HADHB: variants seen among roughly 807,000 people sequenced by gnomAD.
HADHB encodes trifunctional enzyme subunit beta, mitochondrial.
In HADHB, 50 loss-of-function variants were observed where a neutral mutation model predicts 61.9. The ratio of observed to expected loss-of-function variants is 0.81; its 90% CI spans 0.64 to 1.02. The LOEUF (loss-of-function observed/expected upper bound fraction) is 1.02. HADHB is among the 50% of genes least tolerant of loss of function. The pLI is 0.00. For synonymous variants in HADHB, 191 were observed against 201.6 expected, an observed-to-expected ratio of 0.95 and a Z score of 0.45; for missense variants, 504 against 586.5, an observed-to-expected ratio of 0.86 and a Z score of 1.45.
chr2:26,263,070 C>T (rs546691836), intron 3 of HADHB, among the ~76,000 whole-genome samples: 3 of 152,106 alleles, frequency 2.0e-5, no homozygotes, highest in East Asian at 1.9e-4. Flanking sequence ...GAGGCTGAGG[C>T]GGGCAGATCA....
intron 8 of HADHB, 92 bp downstream of exon 8, chr2:26,278,893 C>A: frequency 1.8e-6 from 2 of 1,138,332 alleles, no homozygotes; most frequent in Non-Finnish European, 2.7e-6. Flanking sequence ...GGTGTAGATT[C>A]TGTAGTTACA....
Position 26,244,966 on chromosome 2 carries a change from G to A in HADHB, c.-33G>A, listed in dbSNP as rs894303617. 1.0e-5 allele frequency: 3 copies of A among 292,434 alleles called. No homozygotes were observed. Among genetic ancestry groups the A allele is most frequent in the Admixed American group, 4.3e-5 (1 of 23,404 alleles). 18.1% of individuals were successfully genotyped at this position (292,434 alleles called of 1,614,324 possible). On this transcript the variant is annotated 5_prime_UTR_variant, in exon 1 of 16. Transcript: ENST00000317799. ...TTGGACCTGAACCTTGCTCCGAGAG[G>A]GAGTCCTCGCGGACGTCAGCCAAGG...
At chr2:26,252,335 A>C (rs1380533203) in intron 1 of HADHB, among the ~76,000 whole-genome samples, 1 of 152,202 alleles carries the variant, frequency 6.6e-6, no homozygotes, top group Non-Finnish European at 1.5e-5. Context: ...TGGCTACCAA[A>C]GTCTTTGTTG....
chr2:26,260,081 G>GGTTTTT (rs965472525), intron 3 of HADHB, among the ~76,000 whole-genome samples: 1 of 133,568 alleles, frequency 7.5e-6, no homozygotes, highest in African/African-American at 2.7e-5. Flanking sequence ...GTTTTTTCTG[G>GGTTTTT]TTTTTTTTTT....
At chr2:26,252,506 C>G (rs1436454870) in intron 1 of HADHB, among the ~76,000 whole-genome samples, 2 of 152,156 alleles carry the variant, frequency 1.3e-5, no homozygotes, top group Non-Finnish European at 2.9e-5. Flanking sequence ...TTTTTAACAT[C>G]TTTATTATAC....
Position 26,278,982 on chromosome 2 carries a change from G to A in HADHB, c.631-153G>A, listed in dbSNP as rs375045372. On this transcript the variant is annotated intron_variant, in intron 8 of 15. Transcript: ENST00000317799. Reference sequence around the variant, plus strand: ...CTTTAATTTGTGAGCCCTCTTTAGAGATCCTCTTTAGAGATCCTCTGCTTG... The same window carrying A: ...CTTTAATTTGTGAGCCCTCTTTAGAAATCCTCTTTAGAGATCCTCTGCTTG... 3.3e-5 allele frequency among the ~76,000 whole-genome samples: 5 copies of A among 152,300 alleles called. No homozygotes were observed. In the East Asian group the frequency reaches 9.7e-4, roughly 30 times the overall value.
chr2:26,264,200 A>G (rs1671974002), intron 4 of HADHB, among the ~76,000 whole-genome samples: 1 of 152,194 alleles, frequency 6.6e-6, no homozygotes, highest in Non-Finnish European at 1.5e-5. Context: ...AATGAGACCT[A>G]TCTTTATATA....
At chr2:26,246,426 T>A (rs1420436441) in intron 1 of HADHB, among the ~76,000 whole-genome samples, 1 of 151,458 alleles carries the variant, frequency 6.6e-6, no homozygotes, top group African/African-American at 2.4e-5. Context: ...CACTGCAGCC[T>A]CCTCCCGGGT....
Position 26,290,007 on chromosome 2 carries a change from G to A in HADHB, c.*54G>A, listed in dbSNP as rs1051330524. ...CTGTGCAACACTCACACTAGGCAAT[G>A]CCATTTCAATGCATTACTAAATGAC... On this transcript the variant is annotated 3_prime_UTR_variant, in exon 16 of 16. Coordinates refer to ENST00000317799, the MANE Select transcript of HADHB (RefSeq NM_000183.3). 5 of 1,194,404 alleles carry A rather than the reference G, an allele frequency of 4.2e-6. No individual in the cohort carries two copies. Among genetic ancestry groups the A allele is most frequent in the Non-Finnish European group, 6.3e-6 (5 of 797,830 alleles). 74.0% of individuals were successfully genotyped at this position (1,194,404 alleles called of 1,614,324 possible).
intron 12 of HADHB, 27 bp downstream of exon 12, chr2:26,283,078 T>C: frequency 6.8e-7 from 1 of 1,463,872 alleles, no homozygotes. Context: ...ATCCTTGGAC[T>C]ATAATCACAA....
intron 1 of HADHB, among the ~76,000 whole-genome samples, chr2:26,246,957 T>C (rs1671191644): frequency 6.6e-6 from 1 of 152,168 alleles, no homozygotes; most frequent in Non-Finnish European, 1.5e-5. Context: ...TGCGTGCGTG[T>C]GTGTGTGTGC....
In HADHB at chr2:26,287,274, A is replaced by G. The variant is rs774754088; in HGVS notation, c.1389+1703A>G. Among the ~76,000 whole-genome samples, 16 of 152,226 alleles carry G rather than the reference A, an allele frequency of 1.1e-4. 1 individual carries two copies. The highest frequency in any genetic ancestry group is 2.1e-4 in the Non-Finnish European group (14 of 68,028). On this transcript the variant is annotated intron_variant, in intron 15 of 15. Coordinates refer to ENST00000317799, the MANE Select transcript of HADHB (RefSeq NM_000183.3). The stretch of plus-strand genomic sequence containing the variant: ...CATGGATTTTCCTCAGAGACTTTGC[A>G]GAAACCAAGGGGTCAGTTATTTATC...
At position 26,278,795 on chromosome 2, in the gene HADHB, A is replaced by G. The variant is rs1672662917; in HGVS notation, c.624A>G (p.Ala208=). 2 of 1,613,652 alleles carry G rather than the reference A, an allele frequency of 1.2e-6. No homozygotes were observed. The highest frequency in any genetic ancestry group is 1.1e-5 in the South Asian group (1 of 91,086). The change falls in exon 8 of 16, where the codon GCA becomes GCG. Residue 208 remains alanine, a synonymous_variant. Coordinates refer to ENST00000317799, the MANE Select transcript of HADHB (RefSeq NM_000183.3). ...CTAAATTCCGATTTAATTTCCTAGC[A>G]CCTGAGGTAAGGCTTGTGTTTGCAG... ...LISKFRFNFL[A]PELPAVSEFS... is the part of the protein sequence containing the mutation.
chr2:26,245,110 G>A lies in HADHB; in HGVS notation c.-9+120G>A, dbSNP rs547974691. Reference sequence around the variant, plus strand: ...TCCCCTCCCTGGGAAAGTGGGAGTTGAGGGAGCGGAAGGAAACTCCTCGGA... The same window carrying A: ...TCCCCTCCCTGGGAAAGTGGGAGTTAAGGGAGCGGAAGGAAACTCCTCGGA... On this transcript the variant is annotated intron_variant, in intron 1 of 15. Transcript: ENST00000317799. The A allele has an allele frequency of 3.0e-4, 64 of 214,890 alleles. 2 individuals are homozygous for A. The highest frequency in any genetic ancestry group is 2.9e-3 in the Admixed American group (56 of 19,240). 13.3% of individuals were successfully genotyped at this position (214,890 alleles called of 1,614,324 possible). A position where few individuals can be genotyped will look rare whatever the true frequency, so the allele number is the denominator to read the frequency against.
At chr2:26,271,451 G>C (rs60874290) in intron 5 of HADHB, among the ~76,000 whole-genome samples, 2,684 of 152,104 alleles carry the variant, frequency 0.018, 92 homozygotes, top group African/African-American at 0.062. Flanking sequence ...AGGTTGCAGT[G>C]AGCCGAGATC....
chr2:26,253,698 A>G (rs35331946), intron 1 of HADHB, among the ~76,000 whole-genome samples: 25,995 of 151,510 alleles, frequency 0.17, 2,710 homozygotes, highest in Middle Eastern at 0.26. Context: ...CTAAAAATAC[A>G]AAAAATTAGC....
chr2:26,286,709 T>C (rs1266315846), intron 15 of HADHB, among the ~76,000 whole-genome samples: 2 of 151,518 alleles, frequency 1.3e-5, no homozygotes, highest in Non-Finnish European at 2.9e-5. Context: ...TTTCACCGTA[T>C]TGGCCAGGCC....
chr2:26,285,647 A>C, intron 15 of HADHB, 76 bp downstream of exon 15: 1 of 1,243,198 alleles, frequency 8.0e-7, no homozygotes, highest in Middle Eastern at 2.0e-4. Context: ...ATTTAGTTTG[A>C]AACCTTCTTA....
intron 3 of HADHB, among the ~76,000 whole-genome samples, chr2:26,257,999 C>T (rs1050978959): frequency 1.3e-5 from 2 of 151,370 alleles, no homozygotes; most frequent in Admixed American, 6.6e-5. Context: ...AGCCTGGGGA[C>T]AGAGCAAGAC....
Sources: gnomAD v4.1 joint callset for allele counts (sites outside exome capture counted in the v4.1 genomes callset) on GRCh38, gnomAD v4.1.1 for gene constraint, MANE v1.5 for transcripts, NCBI Gene and HGNC (gene_info 2026-07-23, HGNC 2026-07-21) for gene names.